SRGAP1: variants seen among roughly 807,000 people sequenced by gnomAD.
SRGAP1 encodes SLIT-ROBO Rho GTPase activating protein 1.
In SRGAP1, 43 loss-of-function variants were observed where a neutral mutation model predicts 121.9. That is an observed-to-expected ratio of 0.35 (90% confidence interval 0.28 to 0.46). SRGAP1 has a LOEUF of 0.46. Ranked by LOEUF, SRGAP1 falls within the 20% of genes least tolerant of loss-of-function variation. The pLI, the probability that SRGAP1 is intolerant of heterozygous loss-of-function variation, is 1.00. For missense variants in SRGAP1, 1,102 were observed against 1,350.9 expected (o/e 0.82, Z 2.89); for synonymous variants, 447 against 485.4 (o/e 0.92, Z 1.04).
At chr12:64,093,011 G>C (rs1463875261) in intron 12 of SRGAP1, among the ~76,000 whole-genome samples, 1 of 152,144 alleles carries the variant, frequency 6.6e-6, no homozygotes, top group Non-Finnish European at 1.5e-5. Flanking sequence ...GCACATTGAA[G>C]AATCTTTGGT....
At chr12:63,939,414 T>C (rs2031783249) in intron 1 of SRGAP1, among the ~76,000 whole-genome samples, 3 of 152,182 alleles carry the variant, frequency 2.0e-5, no homozygotes, top group Middle Eastern at 6.8e-3. Flanking sequence ...CAATATACTG[T>C]TTTTGCTTCA....
intron 1 of SRGAP1, among the ~76,000 whole-genome samples, chr12:63,970,830 A>T (rs1247226875): frequency 6.6e-6 from 1 of 152,252 alleles, no homozygotes; most frequent in Non-Finnish European, 1.5e-5. Flanking sequence ...TAGTTAGAAC[A>T]TAAATCTACA....
chr12:64,006,777 G>T (rs950017349), intron 3 of SRGAP1, among the ~76,000 whole-genome samples: 2 of 151,906 alleles, frequency 1.3e-5, no homozygotes, highest in African/African-American at 4.8e-5. Context: ...GTCCTGGGGG[G>T]GAAAAAAGAA....
intron 1 of SRGAP1, among the ~76,000 whole-genome samples, chr12:63,965,949 G>A (rs987334234): frequency 6.6e-6 from 1 of 152,160 alleles, no homozygotes; most frequent in African/African-American, 2.4e-5. Flanking sequence ...CTCCCAAGTA[G>A]CTGGGATTTA....
intron 4 of SRGAP1, chr12:64,032,596 G>T (rs779325941): frequency 1.6e-6 from 1 of 607,012 alleles, no homozygotes; most frequent in South Asian, 2.3e-5. Context: ...TCCTGCCCCC[G>T]ACAGCTGACA....
At chr12:64,123,338 CCT>C (rs140625135) in intron 18 of SRGAP1, among the ~76,000 whole-genome samples, 1,764 of 152,014 alleles carry the variant, frequency 0.012, 36 homozygotes, top group African/African-American at 0.04. Flanking sequence ...AAAATGAGAC[CCT>C]GTCTCAAAAA....
At chr12:64,081,422 A>G (rs566086711) in intron 10 of SRGAP1, 1 of 152,212 alleles carries the variant, frequency 6.6e-6, no homozygotes, top group Non-Finnish European at 1.5e-5. Context: ...ATCATGACCT[A>G]AGAACCATGT....
chr12:63,949,407 T>G (rs1342106498), intron 1 of SRGAP1, among the ~76,000 whole-genome samples: 1 of 109,524 alleles, frequency 9.1e-6, no homozygotes, highest in Non-Finnish European at 2.0e-5. Context: ...TTATTATTAT[T>G]ATTATTATTA....
intron 4 of SRGAP1, among the ~76,000 whole-genome samples, chr12:64,031,134 G>A (rs747636866): frequency 2.6e-5 from 4 of 151,842 alleles, no homozygotes; most frequent in South Asian, 2.1e-4. Flanking sequence ...CCTGGCCAAC[G>A]TGGTGAAATC....
At chr12:64,104,044 A>G (rs967946815) in intron 15 of SRGAP1, among the ~76,000 whole-genome samples, 21 of 152,214 alleles carry the variant, frequency 1.4e-4, no homozygotes, top group Admixed American at 1.1e-3. Flanking sequence ...CCCTGTCTTC[A>G]TACCTAAGGA....
At chr12:64,133,267 A>G (rs1207678202) in intron 21 of SRGAP1, among the ~76,000 whole-genome samples, 1 of 152,122 alleles carries the variant, frequency 6.6e-6, no homozygotes, top group Non-Finnish European at 1.5e-5. Flanking sequence ...CTTTCCCACC[A>G]TAATAGCCCC....
At chr12:64,041,290 G>T (rs922878407) in intron 4 of SRGAP1, among the ~76,000 whole-genome samples, 7 of 151,940 alleles carry the variant, frequency 4.6e-5, no homozygotes, top group Non-Finnish European at 1.0e-4. Flanking sequence ...AAAGGACATT[G>T]TAATCTAAAA....
rs1317971142 is a variant in SRGAP1, at chr12:63,846,410, AG to A, written c.67+1531del. ...CATGGCTCTTTGTGGCAGGTCTTCA[AG>A]GGGTGGCGGTCTGGTTTTTCTGCCG... is the stretch of plus-strand genomic sequence containing the variant. On this transcript the variant is annotated intron_variant, in intron 1 of 21. Coordinates refer to ENST00000355086, the MANE Select transcript of SRGAP1 (RefSeq NM_020762.4). 2.0e-5 allele frequency among the ~76,000 whole-genome samples: 3 copies of A among 152,084 alleles called. No individual in the cohort carries two copies. In the East Asian group the frequency reaches 5.8e-4, roughly 29 times the overall value.
chr12:63,862,311 C>G (rs1353829337), intron 1 of SRGAP1, among the ~76,000 whole-genome samples: 1 of 152,108 alleles, frequency 6.6e-6, no homozygotes, highest in African/African-American at 2.4e-5. Context: ...ACACTAGGCC[C>G]TGCGGGGGAG....
chr12:64,093,503 T>C (rs149297508), intron 12 of SRGAP1, among the ~76,000 whole-genome samples: 343 of 152,294 alleles, frequency 2.3e-3, no homozygotes, highest in African/African-American at 7.8e-3. Context: ...ACTAATGATC[T>C]CTTTTTATCA....
intron 3 of SRGAP1, among the ~76,000 whole-genome samples, chr12:63,997,006 G>C (rs2033730975): frequency 2.0e-5 from 3 of 152,064 alleles, no homozygotes; most frequent in South Asian, 4.1e-4. Flanking sequence ...TGGTGCTGCT[G>C]TTCTTGGAGT....
intron 8 of SRGAP1, among the ~76,000 whole-genome samples, chr12:64,070,391 C>T (rs1221920743): frequency 6.6e-6 from 1 of 152,116 alleles, no homozygotes; most frequent in Admixed American, 6.5e-5. Context: ...CTTTTAATAG[C>T]GTGCCCCATT....
intron 3 of SRGAP1, among the ~76,000 whole-genome samples, chr12:64,012,812 A>C (rs2034290976): frequency 6.6e-6 from 1 of 151,944 alleles, no homozygotes. Flanking sequence ...CGGCCTCCCA[A>C]AGTGCTAGGA....
rs1480811353 is a variant in SRGAP1 at position 64,160,903 on chromosome 12, A to G, written c.*18231A>G. The G allele has an allele frequency of 6.6e-6, 1 of 152,216 alleles. No individual in the cohort carries two copies. The highest frequency in any genetic ancestry group is 1.5e-5 in the Non-Finnish European group (1 of 68,030). 9.4% of individuals were successfully genotyped at this position (152,216 alleles called of 1,614,324 possible). On this transcript the variant is annotated 3_prime_UTR_variant, in exon 22 of 22. Coordinates refer to ENST00000355086, the MANE Select transcript of SRGAP1 (RefSeq NM_020762.4). ...CTCAGGATTTTGGAGATGTTGCATC[A>G]GTGTTGCTACCGAACATTCCAAAGC...
Sources: gnomAD v4.1 joint callset for allele counts (sites outside exome capture counted in the v4.1 genomes callset) on GRCh38, gnomAD v4.1.1 for gene constraint, MANE v1.5 for transcripts, NCBI Gene and HGNC (gene_info 2026-07-23, HGNC 2026-07-21) for gene names.